Variants in MIER1 observed in about 807,000 individuals in gnomAD.
MIER1 encodes the protein mesoderm induction early response protein 1.
Under a neutral mutation model 75.7 loss-of-function variants are expected in MIER1, and 40 were observed. The ratio of observed to expected loss-of-function variants is 0.53; its 90% CI spans 0.41 to 0.69. The LOEUF is 0.69. Among genes scored for constraint, MIER1 ranks in the 30% least tolerant of loss-of-function variants. The probability of loss-of-function intolerance (pLI) is 0.00; values close to 1 mark genes in which losing one functional copy is unlikely to be tolerated. For synonymous variants in MIER1, 213 were observed against 223.4 expected (o/e 0.95, Z 0.42); for missense variants, 574 against 680.2 (o/e 0.84, Z 1.74).
Position 66,925,075 on chromosome 1 carries a change from G to A in MIER1, c.47G>A (p.Gly16Asp), listed in dbSNP as rs920651540. 5 of 1,546,834 alleles carry A rather than the reference G, an allele frequency of 3.2e-6. No individual in the cohort carries two copies. Among genetic ancestry groups the A allele is most frequent in the Middle Eastern group, 1.7e-4 (1 of 5,982 alleles). ...GGTGGCGGCAGCAGCGAAGGTGGCG[G>A]CGGCAGCAGCGGCAGCGGCTGTAAG... ...SGGGGSSEGGGGSSGSGYGVV... is the reference protein window; with the variant it reads ...SGGGGSSEGGDGSSGSGYGVV... Residue 16 changes from glycine to aspartate, a missense_variant, in exon 1 of 14, where the codon GGC becomes GAC. Physicochemically the swap from Gly to Asp is moderately conservative, Grantham distance 94 (BLOSUM62 -1). Transcript: ENST00000401041.
intron 6 of MIER1, 144 bp from the exon 7 acceptor site, chr1:66,959,535 A>C (rs1258605789): frequency 2.2e-6 from 1 of 454,720 alleles, no homozygotes; most frequent in African/African-American, 2.0e-5. Context: ...ATAGGGTGTT[A>C]ATTATTTGGT....
At chr1:66,934,892 A>G (rs900295303) in intron 2 of MIER1, among the ~76,000 whole-genome samples, 1 of 152,146 alleles carries the variant, frequency 6.6e-6, no homozygotes, top group African/African-American at 2.4e-5. Flanking sequence ...ACCCTAAAGT[A>G]GGACCCCTCT....
intron 4 of MIER1, among the ~76,000 whole-genome samples, chr1:66,949,927 T>C (rs1057470656): frequency 1.7e-5 from 1 of 57,470 alleles, no homozygotes; most frequent in African/African-American, 8.3e-5. Flanking sequence ...CTAGAATTTT[T>C]CAGTGAAAAC....
In MIER1 at chr1:66,986,254, T is replaced by C. The variant is rs549658264; in HGVS notation, c.*1354T>C. ...AATCATTGCTCTGTGTGATTACAGATAGGATTATCCATCTGCATAGCCTTG... is the reference window on the plus strand; with the variant it reads ...AATCATTGCTCTGTGTGATTACAGACAGGATTATCCATCTGCATAGCCTTG... On this transcript the variant is annotated 3_prime_UTR_variant, in exon 14 of 14. Coordinates refer to ENST00000401041, the MANE Select transcript of MIER1 (RefSeq NM_001077700.3). 99 of 1,365,604 alleles carry C rather than the reference T, an allele frequency of 7.2e-5. No individual in the cohort carries two copies. In the African/African-American group the frequency reaches 1.4e-3, roughly 19 times the overall value. The allele number at this position is 1,365,604 out of a possible 1,614,324, so 84.6% of individuals were successfully genotyped here. A position where few individuals can be genotyped will look rare whatever the true frequency, so the allele number is the denominator to read the frequency against.
chr1:66,937,838 A>G (rs1655276919), intron 2 of MIER1, among the ~76,000 whole-genome samples: 4 of 152,320 alleles, frequency 2.6e-5, no homozygotes, highest in Admixed American at 2.0e-4. Context: ...GGATGTATTT[A>G]ACTTTAAAGA....
At chr1:66,928,961 C>T in intron 2 of MIER1, 1 of 1,594,046 alleles carries the variant, frequency 6.3e-7, no homozygotes, top group Non-Finnish European at 8.6e-7. Flanking sequence ...GTCAAATTAC[C>T]AGGTAATGTC....
intron 3 of MIER1, among the ~76,000 whole-genome samples, chr1:66,943,015 C>G (rs1244450178): frequency 1.3e-5 from 2 of 152,122 alleles, no homozygotes; most frequent in Non-Finnish European, 2.9e-5. Context: ...ATACCTGTGT[C>G]TAATTACAAT....
chr1:66,957,592 T>G (rs1260907804), intron 4 of MIER1, among the ~76,000 whole-genome samples: 1 of 132,242 alleles, frequency 7.6e-6, no homozygotes, highest in Non-Finnish European at 1.6e-5. Flanking sequence ...TTTGTGTTTT[T>G]TTTTTTTTTT....
intron 11 of MIER1, among the ~76,000 whole-genome samples, chr1:66,976,166 G>A (rs923144855): frequency 1.3e-5 from 2 of 152,080 alleles, no homozygotes; most frequent in Admixed American, 6.5e-5. Flanking sequence ...ACCATGCCCG[G>A]CTAATTTTTG....
intron 3 of MIER1, among the ~76,000 whole-genome samples, chr1:66,942,847 A>G (rs1213618635): frequency 6.6e-6 from 1 of 152,184 alleles, no homozygotes; most frequent in Non-Finnish European, 1.5e-5. Flanking sequence ...TGAAATGGCA[A>G]GTCTTCATAT....
At chr1:66,945,267 G>GTGTATATATATA (rs1244341605) in intron 3 of MIER1, among the ~76,000 whole-genome samples, 2 of 141,870 alleles carry the variant, frequency 1.4e-5, no homozygotes, top group Non-Finnish European at 3.1e-5. Context: ...TCTGGTGTGT[G>GTGTATATATATA]TATATATATA....
chr1:66,959,669 T>C lies in MIER1; in HGVS notation c.635-10T>C. ...GTCATTTTATAGTATTGGTGTCTTA[T>C]TTATTCTAGATAGTGAAGTAGAAGA... On this transcript the variant is annotated splice_polypyrimidine_tract_variant and intron_variant, in intron 6 of 13. Coordinates refer to ENST00000401041, the MANE Select transcript of MIER1 (RefSeq NM_001077700.3). 1 of 1,295,372 alleles carries C rather than the reference T, an allele frequency of 7.7e-7. No individual in the cohort carries two copies. The highest frequency in any genetic ancestry group is 1.9e-4 in the Middle Eastern group (1 of 5,366). The allele number at this position is 1,295,372 out of a possible 1,614,324, so 80.2% of individuals were successfully genotyped here.
chr1:66,966,304 C>A (rs569265032), intron 8 of MIER1, among the ~76,000 whole-genome samples: 2 of 152,116 alleles, frequency 1.3e-5, no homozygotes, highest in East Asian at 1.9e-4. Context: ...TTTGTCCTTG[C>A]GATAGTTTGC....
chr1:66,950,160 G>A (rs1296354315), intron 4 of MIER1, among the ~76,000 whole-genome samples: 4 of 152,132 alleles, frequency 2.6e-5, no homozygotes, highest in Non-Finnish European at 2.9e-5. Context: ...CCAGGCTGGA[G>A]TGCAGTGGCA....
chr1:66,928,946 T>C, intron 2 of MIER1: 1 of 1,606,250 alleles, frequency 6.2e-7, no homozygotes, highest in Non-Finnish European at 8.5e-7. Flanking sequence ...GTGGACTCTT[T>C]TCCTGTCAAA....
chr1:66,972,650 G>A (rs190125471), intron 10 of MIER1, among the ~76,000 whole-genome samples: 76 of 152,144 alleles, frequency 5.0e-4, no homozygotes, highest in Non-Finnish European at 9.6e-4. Context: ...GGCTGAGATA[G>A]TTTGATCAGT....
intron 2 of MIER1, among the ~76,000 whole-genome samples, chr1:66,938,281 T>A (rs1233921324): frequency 6.6e-6 from 1 of 152,234 alleles, no homozygotes; most frequent in Non-Finnish European, 1.5e-5. Flanking sequence ...ATATCTAACA[T>A]CAATAAAAAT....
intron 2 of MIER1, among the ~76,000 whole-genome samples, chr1:66,935,995 T>TA (rs1654728662): frequency 6.6e-6 from 1 of 152,102 alleles, no homozygotes; most frequent in Non-Finnish European, 1.5e-5. Flanking sequence ...AGTGAATGTT[T>TA]TATATATATA....
chr1:66,938,467 A>G (rs1404575596), intron 2 of MIER1, among the ~76,000 whole-genome samples: 1 of 152,214 alleles, frequency 6.6e-6, no homozygotes, highest in Non-Finnish European at 1.5e-5. Flanking sequence ...GATTGTGCCT[A>G]CAGTTGGGAA....
Sources: allele counts gnomAD v4.1 joint callset (sites outside exome capture counted in the v4.1 genomes callset), GRCh38; gene constraint gnomAD v4.1.1; transcripts MANE v1.5; gene names NCBI Gene and HGNC (gene_info 2026-07-23, HGNC 2026-07-21).